The following FARS2 variants were observed in gnomAD, a reference collection of about 807,000 sequenced individuals.
The protein encoded by FARS2 is phenylalanyl-tRNA synthetase 2, mitochondrial, also known as phenylalanine--tRNA ligase, mitochondrial.
In FARS2, 40 loss-of-function variants were observed where a neutral mutation model predicts 46.4. The observed-to-expected ratio is 0.86, with a 90% CI of 0.67 to 1.12. The LOEUF (loss-of-function observed/expected upper bound fraction) is 1.12, where lower values mean the gene tolerates loss of function less well. FARS2 is among the 50% of genes most tolerant of loss of function. The probability of loss-of-function intolerance (pLI) is 0.00; values close to 1 mark genes in which losing one functional copy is unlikely to be tolerated. For missense variants in FARS2, 513 were observed against 567.9 expected (o/e 0.90, Z 0.98); for synonymous variants, 234 against 214.9 (o/e 1.09, Z -0.78).
At chr6:5,483,381 C>G (rs9504408) in intron 4 of FARS2, among the ~76,000 whole-genome samples, 6,280 of 152,230 alleles carry the variant, frequency 0.041, 438 homozygotes, top group African/African-American at 0.14. Context: ...ACAGTACTAA[C>G]TTAAAGCTTA....
intron 5 of FARS2, among the ~76,000 whole-genome samples, chr6:5,549,147 CT>C (rs965661767): frequency 2.0e-5 from 3 of 149,464 alleles, no homozygotes; most frequent in African/African-American, 7.4e-5. Flanking sequence ...TCTGTAGGCT[CT>C]TGGGGGAATC....
intron 6 of FARS2, among the ~76,000 whole-genome samples, chr6:5,619,386 G>A (rs1561756831): frequency 2.0e-5 from 3 of 152,078 alleles, no homozygotes; most frequent in Admixed American, 1.3e-4. Context: ...CCCCTAACCC[G>A]ATTCTGCTCA....
chr6:5,305,805 T>C (rs1768658893), intron 1 of FARS2, among the ~76,000 whole-genome samples: 1 of 152,156 alleles, frequency 6.6e-6, no homozygotes, highest in Non-Finnish European at 1.5e-5. Flanking sequence ...TGTCTGACCA[T>C]GCTTGTCCTC....
intron 2 of FARS2, among the ~76,000 whole-genome samples, chr6:5,396,326 T>C (rs1289426078): frequency 2.0e-5 from 3 of 152,220 alleles, no homozygotes; most frequent in Non-Finnish European, 4.4e-5. Flanking sequence ...TTCACCGTTA[T>C]ATATTGTCAT....
At chr6:5,659,911 C>T (rs1777773161) in intron 6 of FARS2, among the ~76,000 whole-genome samples, 1 of 152,212 alleles carries the variant, frequency 6.6e-6, no homozygotes, top group Non-Finnish European at 1.5e-5. Context: ...TACAATGCAC[C>T]TCCTTCTTTG....
chr6:5,710,651 G>T (rs1759085007), intron 6 of FARS2, among the ~76,000 whole-genome samples: 1 of 152,208 alleles, frequency 6.6e-6, no homozygotes, highest in African/African-American at 2.4e-5. Flanking sequence ...TAGGAATCTG[G>T]GACGCGGAAG....
At chr6:5,568,495 T>C (rs1327601351) in intron 5 of FARS2, among the ~76,000 whole-genome samples, 1 of 152,126 alleles carries the variant, frequency 6.6e-6, no homozygotes, top group Non-Finnish European at 1.5e-5. Flanking sequence ...GGCATTAATA[T>C]GTATAGGTGC....
chr6:5,545,811 G>T (rs1234323876), intron 5 of FARS2, among the ~76,000 whole-genome samples: 2 of 152,126 alleles, frequency 1.3e-5, no homozygotes, highest in African/African-American at 4.8e-5. Flanking sequence ...ATGGCTGCAT[G>T]AATTTTAAAT....
intron 6 of FARS2, among the ~76,000 whole-genome samples, chr6:5,724,611 C>T (rs188543741): frequency 6.6e-6 from 1 of 152,194 alleles, no homozygotes; most frequent in African/African-American, 2.4e-5. Flanking sequence ...GCAGCCTGAG[C>T]CTGGTGCTCT....
At chr6:5,392,932 G>GTGTGTGTATATATATATACATATA (rs1562007578) in intron 2 of FARS2, among the ~76,000 whole-genome samples, 1 of 94,238 alleles carries the variant, frequency 1.1e-5, no homozygotes. Context: ...ATACATATAT[G>GTGTGTGTATATATATATACATATA]TGTGTGTGTA....
chr6:5,757,716 G>A (rs1762280785), intron 6 of FARS2, among the ~76,000 whole-genome samples: 1 of 152,142 alleles, frequency 6.6e-6, no homozygotes, highest in Non-Finnish European at 1.5e-5. Context: ...CTAATATTTG[G>A]GTGCATCTCT....
intron 4 of FARS2, among the ~76,000 whole-genome samples, chr6:5,539,407 T>TATATATATATATATA (rs771563949): frequency 1.4e-5 from 2 of 143,498 alleles, no homozygotes; most frequent in African/African-American, 2.6e-5. Context: ...TATGTATATA[T>TATATATATATATATA]TTTTTTAGTA....
intron 4 of FARS2, among the ~76,000 whole-genome samples, chr6:5,444,451 G>C (rs1764036244): frequency 7.7e-6 from 1 of 130,470 alleles, no homozygotes; most frequent in African/African-American, 3.0e-5. Flanking sequence ...TGGGTGACAA[G>C]GCGTGACTCT....
intron 4 of FARS2, among the ~76,000 whole-genome samples, chr6:5,438,540 TG>T (rs1351362778): frequency 6.6e-6 from 1 of 152,144 alleles, no homozygotes; most frequent in African/African-American, 2.4e-5. Flanking sequence ...CATTTGGTTT[TG>T]TTTTATAGTT....
At chr6:5,730,958 G>A (rs77618187) in intron 6 of FARS2, among the ~76,000 whole-genome samples, 4,342 of 152,278 alleles carry the variant, frequency 0.029, 158 homozygotes, top group South Asian at 0.092. Flanking sequence ...CTACTAAGTG[G>A]TAGAGCTGGG....
intron 5 of FARS2, among the ~76,000 whole-genome samples, chr6:5,592,593 C>T (rs1773979326): frequency 6.6e-6 from 1 of 152,116 alleles, no homozygotes; most frequent in Non-Finnish European, 1.5e-5. Flanking sequence ...CTACCCCAGA[C>T]TCTTTCTTTG....
chr6:5,412,972 T>A lies in FARS2; in HGVS notation c.772+8271T>A, dbSNP rs568783535. Among the ~76,000 whole-genome samples the A allele has an allele frequency of 5.9e-5, 9 of 152,284 alleles. No individual in the cohort carries two copies. In the South Asian group the frequency reaches 1.9e-3, roughly 32 times the overall value. ...TTCAACCTCTGAGACTTGGGATCAT[T>A]AACTGTGAAAAGTGAAGTGCCTCGC... On this transcript the variant is annotated intron_variant, in intron 3 of 6. Coordinates refer to ENST00000274680, the MANE Select transcript of FARS2 (RefSeq NM_006567.5).
At chr6:5,681,414 G>A (rs779131360) in intron 6 of FARS2, among the ~76,000 whole-genome samples, 5 of 152,172 alleles carry the variant, frequency 3.3e-5, no homozygotes, top group African/African-American at 4.8e-5. Flanking sequence ...GAGGGAGAGC[G>A]GGACAGCAGA....
intron 6 of FARS2, among the ~76,000 whole-genome samples, chr6:5,767,962 C>T (rs1251437919): frequency 6.6e-6 from 1 of 152,210 alleles, no homozygotes; most frequent in Non-Finnish European, 1.5e-5. Flanking sequence ...TATCTGTTCA[C>T]TGATGAGCTC....
Sources: allele counts gnomAD v4.1 joint callset (sites outside exome capture counted in the v4.1 genomes callset), GRCh38; gene constraint gnomAD v4.1.1; transcripts MANE v1.5; gene names NCBI Gene and HGNC (gene_info 2026-07-23, HGNC 2026-07-21).